The following TANGO6 variants were observed in gnomAD, a reference collection of about 807,000 sequenced individuals.
TANGO6 encodes transport and golgi organization 6 homolog.
A neutral mutation model predicts 114.2 loss-of-function variants in TANGO6; 90 were observed. The observed-to-expected ratio is 0.79, with a 90% confidence interval of 0.66 to 0.94. The LOEUF (loss-of-function observed/expected upper bound fraction) is 0.94. TANGO6 is among the 40% of genes least tolerant of loss of function. The pLI is 0.00. For synonymous variants in TANGO6, 477 were observed against 509.8 expected (o/e 0.94, Z 0.87); for missense variants, 1,274 against 1,315.3 (o/e 0.97, Z 0.49).
intron 17 of TANGO6, among the ~76,000 whole-genome samples, chr16:69,045,945 T>A (rs77229348): frequency 0.011 from 1,616 of 148,494 alleles, 23 homozygotes; most frequent in African/African-American, 0.038. Context: ...GCATCTGTAA[T>A]CCCAGCTACT....
intron 15 of TANGO6, among the ~76,000 whole-genome samples, chr16:68,996,662 A>T (rs536657856): frequency 6.6e-6 from 1 of 152,320 alleles, no homozygotes; most frequent in East Asian, 1.9e-4. Context: ...CATCCAAGAC[A>T]GGAGGAAAAG....
chr16:68,996,291 C>T (rs1597051943), intron 15 of TANGO6, among the ~76,000 whole-genome samples: 1 of 152,098 alleles, frequency 6.6e-6, no homozygotes, highest in Non-Finnish European at 1.5e-5. Flanking sequence ...GAGAGGAAAT[C>T]CTGCCTGTCA....
Position 68,902,393 on chromosome 16 carries a change from G to T in TANGO6, c.1556G>T (p.Ser519Ile), listed in dbSNP as rs369532226. ...GKLERKKAIA[S>I]LKGFAGLDKA... The stretch of plus-strand genomic sequence containing the variant: ...CTGGAAAGGAAGAAGGCAATTGCCA[G>T]CCTGAAAGGATTTGCAGGGTTGGAC... The change falls in exon 9 of 18, where the codon AGC becomes ATC. Residue 519 changes from serine (S) to isoleucine (I), a missense_variant. By Grantham distance (142) the Ser-to-Ile change is moderately radical. Coordinates refer to ENST00000261778, the MANE Select transcript of TANGO6 (RefSeq NM_024562.2). The T allele has an allele frequency of 5.5e-5, 88 of 1,613,626 alleles. No individual in the cohort carries two copies. The highest frequency in any genetic ancestry group is 7.0e-5 in the Non-Finnish European group (82 of 1,179,770).
intron 17 of TANGO6, among the ~76,000 whole-genome samples, chr16:69,054,423 C>T (rs978712843): frequency 7.2e-5 from 11 of 152,184 alleles, no homozygotes; most frequent in Admixed American, 2.6e-4. Flanking sequence ...ATGGTGCCAT[C>T]AACTCCTGAA....
At chr16:69,070,755 T>TTAG (rs1390423887) in intron 17 of TANGO6, among the ~76,000 whole-genome samples, 1 of 146,806 alleles carries the variant, frequency 6.8e-6, no homozygotes, top group African/African-American at 2.5e-5. Flanking sequence ...AATATTATTA[T>TTAG]TATTATTATT....
At chr16:68,918,222 A>T (rs1244233784) in intron 11 of TANGO6, among the ~76,000 whole-genome samples, 3 of 152,052 alleles carry the variant, frequency 2.0e-5, no homozygotes, top group Non-Finnish European at 4.4e-5. Flanking sequence ...TTTTCTTATT[A>T]TTGAGCTTTA....
intron 16 of TANGO6, among the ~76,000 whole-genome samples, chr16:69,028,558 G>A (rs553261694): frequency 7.2e-5 from 11 of 152,088 alleles, no homozygotes; most frequent in African/African-American, 1.9e-4. Context: ...GCTTGAACAC[G>A]GGAGGCGGAG....
chr16:68,848,143 G>A (rs958907176), intron 1 of TANGO6, among the ~76,000 whole-genome samples: 18 of 151,874 alleles, frequency 1.2e-4, no homozygotes, highest in Admixed American at 1.3e-4. Flanking sequence ...TTGCCCAGCC[G>A]GGAGTACAGT....
rs190950388 is a variant in TANGO6, at chr16:68,882,506, A to G, written c.1377+1876A>G. The stretch of plus-strand genomic sequence containing the variant: ...AGCGAGACTCCGTCTCAAAAAAAAA[A>G]AAAGAAAACGTGTTCATAGAAAAAC... On this transcript the variant is annotated intron_variant, in intron 7 of 17. Transcript: ENST00000261778. Among the ~76,000 whole-genome samples, 25 of 152,078 alleles carry G rather than the reference A, an allele frequency of 1.6e-4. No individual in the cohort carries two copies. In the East Asian group the frequency reaches 4.7e-3, roughly 28 times the overall value.
intron 15 of TANGO6, among the ~76,000 whole-genome samples, chr16:68,991,999 C>CT (rs35352949): frequency 0.041 from 6,179 of 148,944 alleles, 194 homozygotes; most frequent in African/African-American, 0.087. Flanking sequence ...GACCATCATC[C>CT]TTTTTTTTTT....
intron 17 of TANGO6, among the ~76,000 whole-genome samples, chr16:69,045,947 C>T (rs1959850366): frequency 6.6e-6 from 1 of 150,400 alleles, no homozygotes; most frequent in Non-Finnish European, 1.5e-5. Context: ...ATCTGTAATC[C>T]CAGCTACTCA....
intron 17 of TANGO6, among the ~76,000 whole-genome samples, chr16:69,051,227 G>C (rs1959943245): frequency 6.6e-6 from 1 of 152,018 alleles, no homozygotes; most frequent in African/African-American, 2.4e-5. Flanking sequence ...CACTTGTTTT[G>C]TTGTTTTGTT....
chr16:68,975,043 G>A (rs1171665887), intron 15 of TANGO6, among the ~76,000 whole-genome samples: 3 of 152,128 alleles, frequency 2.0e-5, no homozygotes, highest in Non-Finnish European at 2.9e-5. Flanking sequence ...GGGCAATAGA[G>A]CGAGACTCAG....
At chr16:68,871,737 A>C (rs970478790) in intron 4 of TANGO6, among the ~76,000 whole-genome samples, 4 of 152,130 alleles carry the variant, frequency 2.6e-5, no homozygotes, top group Non-Finnish European at 4.4e-5. Context: ...CTGGTGCCTC[A>C]GCCTTCTGAG....
chr16:69,078,125 C>T (rs193171817), intron 17 of TANGO6, among the ~76,000 whole-genome samples: 180 of 152,212 alleles, frequency 1.2e-3, no homozygotes, highest in African/African-American at 4.1e-3. Flanking sequence ...TTAATAGCCT[C>T]CCAGGCTGAG....
chr16:68,859,669 C>A (rs1962057206), intron 1 of TANGO6, among the ~76,000 whole-genome samples: 1 of 152,218 alleles, frequency 6.6e-6, no homozygotes. Context: ...CGTTAGTACA[C>A]TACTCCAATT....
chr16:68,898,717 A>T (rs1228125765), intron 7 of TANGO6, among the ~76,000 whole-genome samples: 1 of 152,148 alleles, frequency 6.6e-6, no homozygotes, highest in Non-Finnish European at 1.5e-5. Context: ...CTCTTTAAAG[A>T]ATCTAGCATA....
chr16:68,848,805 A>G (rs910288726), intron 1 of TANGO6, among the ~76,000 whole-genome samples: 5 of 152,024 alleles, frequency 3.3e-5, no homozygotes, highest in Admixed American at 1.3e-4. Context: ...TGATGTTTCA[A>G]TTATTGTATT....
At chr16:68,966,960 C>G (rs532123306) in intron 14 of TANGO6, among the ~76,000 whole-genome samples, 1 of 151,882 alleles carries the variant, frequency 6.6e-6, no homozygotes, top group Non-Finnish European at 1.5e-5. Flanking sequence ...TTAGTAGAGA[C>G]GGGGTTTTGC....
Sources: gnomAD v4.1 joint callset for allele counts (sites outside exome capture counted in the v4.1 genomes callset) on GRCh38, gnomAD v4.1.1 for gene constraint, MANE v1.5 for transcripts, NCBI Gene and HGNC (gene_info 2026-07-23, HGNC 2026-07-21) for gene names.